PRDM2: variants seen among roughly 807,000 people sequenced by gnomAD.
PRDM2 encodes PR domain zinc finger protein 2.
In PRDM2, 30 loss-of-function variants were observed where a neutral mutation model predicts 130.0. The ratio of observed to expected loss-of-function variants is 0.23; its 90% CI spans 0.17 to 0.31. The LOEUF (loss-of-function observed/expected upper bound fraction) is 0.31, where lower values mean the gene tolerates loss of function less well. Ranked by LOEUF, PRDM2 falls within the 10% of genes least tolerant of loss-of-function variation. The pLI is 1.00. For synonymous variants in PRDM2, 871 were observed against 782.4 expected (o/e 1.11, Z -1.89); for missense variants, 2,011 against 2,108.4 (o/e 0.95, Z 0.90).
intron 8 of PRDM2, among the ~76,000 whole-genome samples, chr1:13,785,755 A>G (rs1194140359): frequency 6.8e-6 from 1 of 147,252 alleles, no homozygotes; most frequent in Non-Finnish European, 1.5e-5. Flanking sequence ...GTAAAGCAGA[A>G]AGGGAAGGAA....
intron 2 of PRDM2, among the ~76,000 whole-genome samples, chr1:13,720,456 C>T (rs941680211): frequency 6.6e-6 from 1 of 152,038 alleles, no homozygotes; most frequent in Non-Finnish European, 1.5e-5. Flanking sequence ...GGGCTCAGCT[C>T]TGGGGTCGCC....
intron 2 of PRDM2, among the ~76,000 whole-genome samples, chr1:13,723,305 C>T (rs192066258): frequency 1.1e-4 from 17 of 152,306 alleles, no homozygotes; most frequent in Admixed American, 8.5e-4. Context: ...ACGTTGAACA[C>T]CCCTAGTCTG....
intron 8 of PRDM2, among the ~76,000 whole-genome samples, chr1:13,798,460 A>G (rs895774451): frequency 5.0e-5 from 7 of 141,402 alleles, no homozygotes; most frequent in East Asian, 2.1e-4. Flanking sequence ...ATGAAAGCCA[A>G]TCAGTAACCC....
In PRDM2 at chr1:13,781,689, T is replaced by C; in HGVS notation, c.3894T>C (p.Phe1298=). 6.2e-7 allele frequency: 1 copy of C among 1,614,162 alleles called. No individual in the cohort carries two copies. Residue 1298 remains phenylalanine, a synonymous_variant, in exon 8 of 10, where the codon TTT becomes TTC. Coordinates refer to ENST00000311066, the MANE Select transcript of PRDM2 (RefSeq NM_001393986.1). This position sits in a 1 kb window ranked among gnomAD's most constrained non-coding sequence, Gnocchi z 6.1. ...GCCTCAATCAGCATTACCCAAGCTT[T>C]AAACCACCTCCATTTCAGTACCATC... is the stretch of plus-strand genomic sequence containing the variant. ...RLGLNQHYPS[F]KPPPFQYHHR... is the part of the protein sequence containing the mutation.
chr1:13,823,719 C>G lies in PRDM2; in HGVS notation c.*584C>G, dbSNP rs1250118158. On this transcript the variant is annotated 3_prime_UTR_variant, in exon 10 of 10. Coordinates refer to ENST00000311066, the MANE Select transcript of PRDM2 (RefSeq NM_001393986.1). Reference sequence around the variant, plus strand: ...TCGGCCCCAGCACATGGAAAACCCCCTTCCTTGCCTAAGGTGTCTGAGTTT... The same window carrying G: ...TCGGCCCCAGCACATGGAAAACCCCGTTCCTTGCCTAAGGTGTCTGAGTTT... 1 of 153,790 alleles carries G rather than the reference C, an allele frequency of 6.5e-6. No homozygotes were observed. The highest frequency in any genetic ancestry group is 1.4e-5 in the Non-Finnish European group (1 of 69,182). The allele number at this position is 153,790 out of a possible 1,614,324, so 9.5% of individuals were successfully genotyped here.
intron 8 of PRDM2, among the ~76,000 whole-genome samples, chr1:13,795,745 C>T (rs1251402863): frequency 6.6e-6 from 1 of 152,222 alleles, no homozygotes; most frequent in African/African-American, 2.4e-5. Context: ...GGAGCCTCAT[C>T]CCTCCAGCTT....
chr1:13,779,953 T>A lies in PRDM2; in HGVS notation c.2158T>A (p.Ser720Thr). Residue 720 changes from serine (S) to threonine (T), a missense_variant, in exon 8 of 10, where the codon TCT becomes ACT. Ser to Thr is a moderately conservative substitution (Grantham distance 58). This residue lies in a region of PRDM2 where 1,288 missense variants were observed against 1,237.7 expected (regional missense o/e 1.04). Transcript: ENST00000311066. The surrounding 1 kb of genome is among the most constrained non-coding windows in gnomAD (Gnocchi z 4.9). ...EIAKLGPVCV[S>T]APASMLPVTS... is the part of the protein sequence containing the mutation. The stretch of plus-strand genomic sequence containing the variant: ...AGCTAAATTAGGTCCTGTTTGTGTG[T>A]CTGCTCCTGCATCAATGTTGCCTGT... 1 of 1,614,244 alleles carries A rather than the reference T, an allele frequency of 6.2e-7. No individual in the cohort carries two copies. The highest frequency in any genetic ancestry group is 2.2e-5 in the East Asian group (1 of 44,890).
At chr1:13,772,381 C>T (rs559796695) in intron 6 of PRDM2, among the ~76,000 whole-genome samples, 1 of 152,310 alleles carries the variant, frequency 6.6e-6, no homozygotes, top group East Asian at 1.9e-4. Flanking sequence ...TTTAATCTTA[C>T]CTTGTAAACG....
chr1:13,751,156 A>G (rs1355321768), intron 6 of PRDM2, among the ~76,000 whole-genome samples: 6 of 152,158 alleles, frequency 3.9e-5, no homozygotes, highest in East Asian at 1.9e-4. Flanking sequence ...ATTTGGGGAA[A>G]AACTTGAACA....
Position 13,778,834 on chromosome 1 carries a change from AAAG to A in PRDM2, c.1044_1046del (p.Glu349del), listed in dbSNP as rs774457882. Reference sequence around the variant, plus strand: ...ACCTGCCATGCAAATCCCCAGAACTAAAGAAGAGGCCAATGGTGATGTATTTGA... The same window carrying A: ...ACCTGCCATGCAAATCCCCAGAACTAAAGAGGCCAATGGTGATGTATTTGA... On this transcript the variant is annotated inframe_deletion, in exon 8 of 10. Transcript: ENST00000311066. 23 of 1,614,084 alleles carry A rather than the reference AAAG, an allele frequency of 1.4e-5. No homozygotes were observed. Among genetic ancestry groups the A allele is most frequent in the African/African-American group, 2.7e-5 (2 of 74,918 alleles).
chr1:13,768,995 A>G (rs531419851), intron 6 of PRDM2: 6 of 361,052 alleles, frequency 1.7e-5, no homozygotes, highest in East Asian at 3.3e-4. Context: ...GTTGTATTCA[A>G]TTTCTCATCT....
intron 8 of PRDM2, among the ~76,000 whole-genome samples, chr1:13,815,273 ATT>A (rs34708793): frequency 6.6e-6 from 1 of 151,602 alleles, no homozygotes. Flanking sequence ...CGCCTGGACA[ATT>A]TTTTTTTTGT....
intron 4 of PRDM2, 101 bp from the exon 5 acceptor site, chr1:13,741,904 T>TG (rs1643457941): frequency 3.3e-6 from 3 of 917,766 alleles, no homozygotes; most frequent in Non-Finnish European, 5.0e-6. Context: ...ATAGAGTACT[T>TG]GCATATAATG....
chr1:13,732,983 G>A (rs1389948175), intron 4 of PRDM2, 101 bp downstream of exon 4: 1 of 854,720 alleles, frequency 1.2e-6, no homozygotes, highest in Admixed American at 3.2e-5. Flanking sequence ...TCATTTTAAT[G>A]TGTTCTTTAA....
intron 9 of PRDM2, among the ~76,000 whole-genome samples, chr1:13,818,804 G>A (rs1017400449): frequency 1.3e-5 from 2 of 152,118 alleles, no homozygotes; most frequent in African/African-American, 2.4e-5. Flanking sequence ...GTCTGCTGCT[G>A]GAATTGAACC....
chr1:13,772,277 C>G (rs906274333), intron 6 of PRDM2: 2 of 152,216 alleles, frequency 1.3e-5, no homozygotes, highest in African/African-American at 4.8e-5. Context: ...AACTGGGCTT[C>G]TGACTTCTTC....
intron 6 of PRDM2, among the ~76,000 whole-genome samples, chr1:13,763,305 CAG>C (rs1485306477): frequency 3.3e-5 from 5 of 152,120 alleles, no homozygotes; most frequent in Non-Finnish European, 5.9e-5. Context: ...AAAGAGGAAA[CAG>C]ATGATTTTTT....
At chr1:13,783,249 T>C (rs1289662272) in intron 8 of PRDM2, 2 of 471,612 alleles carry the variant, frequency 4.2e-6, no homozygotes, top group Non-Finnish European at 8.4e-6. Flanking sequence ...CATGTTACAA[T>C]CTTGTTTAAT....
At chr1:13,700,671 A>C (rs1642045905) in intron 1 of PRDM2, among the ~76,000 whole-genome samples, 1 of 151,592 alleles carries the variant, frequency 6.6e-6, no homozygotes, top group African/African-American at 2.4e-5. Flanking sequence ...CTGGGGCCCC[A>C]CGTGGGGCCG....
Sources: allele counts gnomAD v4.1 joint callset (sites outside exome capture counted in the v4.1 genomes callset), GRCh38; gene constraint gnomAD v4.1.1; regional missense constraint gnomAD v4.1.1; non-coding constraint Gnocchi (gnomAD v3.1); transcripts MANE v1.5; gene names NCBI Gene and HGNC (gene_info 2026-07-23, HGNC 2026-07-21).